Variants in PEX14 observed in about 807,000 individuals in gnomAD.
PEX14 encodes peroxisomal membrane protein PEX14.
PEX14 carries 15 observed loss-of-function variants against 49.5 expected under a neutral mutation model. The observed-to-expected ratio is 0.30, with a 90% CI of 0.20 to 0.47. The LOEUF is 0.47. Among genes scored for constraint, PEX14 ranks in the 20% least tolerant of loss-of-function variants. The probability of loss-of-function intolerance (pLI) is 1.00; values close to 1 mark genes in which losing one functional copy is unlikely to be tolerated. For synonymous variants in PEX14, 210 were observed against 212.7 expected, an observed-to-expected ratio of 0.99 and a Z score of 0.11; for missense variants, 398 against 494.8, an observed-to-expected ratio of 0.80 and a Z score of 1.86.
In PEX14 at chr1:10,623,084, C is replaced by T. The variant is rs765794942; in HGVS notation, c.450C>T (p.Ala150=). The change falls in exon 6 of 9, where the codon GCC becomes GCT. Residue 150 remains alanine (A), a synonymous_variant. Coordinates refer to ENST00000356607, the MANE Select transcript of PEX14 (RefSeq NM_004565.3). The surrounding 1 kb of genome is among the most constrained non-coding windows in gnomAD (Gnocchi z 4.4). Reference sequence around the variant, plus strand: ...GAAAGCAGCTGGAGAGGATGGAGGCCGGTCTCTCTGAGCTGAGTGGCAGCG... The same window carrying T: ...GAAAGCAGCTGGAGAGGATGGAGGCTGGTCTCTCTGAGCTGAGTGGCAGCG... ...EDRKQLERME[A]GLSELSGSVA... The T allele has an allele frequency of 1.5e-5, 25 of 1,613,718 alleles. No homozygotes were observed. The highest frequency in any genetic ancestry group is 2.2e-5 in the East Asian group (1 of 44,890).
chr1:10,491,980 G>A (rs1641482601), intron 1 of PEX14, among the ~76,000 whole-genome samples: 1 of 152,132 alleles, frequency 6.6e-6, no homozygotes, highest in Admixed American at 6.6e-5. Context: ...ACTGCACCCG[G>A]CCGGCCATGC....
chr1:10,591,635 C>CTG (rs61635531), intron 3 of PEX14, among the ~76,000 whole-genome samples: 53,369 of 139,396 alleles, frequency 0.38, 9,892 homozygotes, highest in Admixed American at 0.45. Flanking sequence ...GGTATACACA[C>CTG]TGTGTGTGTG....
At chr1:10,565,878 G>A (rs1639789494) in intron 3 of PEX14, among the ~76,000 whole-genome samples, 1 of 152,212 alleles carries the variant, frequency 6.6e-6, no homozygotes. Context: ...GGTAGCACAT[G>A]CCTGTAGTCC....
intron 3 of PEX14, among the ~76,000 whole-genome samples, chr1:10,588,133 T>C (rs1455566393): frequency 1.3e-5 from 2 of 151,734 alleles, no homozygotes; most frequent in Non-Finnish European, 2.9e-5. Flanking sequence ...AGGTAGAGAA[T>C]TGCTTGAACC....
intron 4 of PEX14, among the ~76,000 whole-genome samples, chr1:10,600,740 G>A (rs1360065369): frequency 6.6e-6 from 1 of 152,012 alleles, no homozygotes; most frequent in African/African-American, 2.4e-5. Context: ...ATAAAATAAA[G>A]AAACTCAATA....
At chr1:10,591,269 G>A (rs1640656305) in intron 3 of PEX14, among the ~76,000 whole-genome samples, 1 of 152,136 alleles carries the variant, frequency 6.6e-6, no homozygotes, top group Non-Finnish European at 1.5e-5. Flanking sequence ...AAGCCACCTT[G>A]TACTTGGCTG....
chr1:10,499,844 A>G (rs1309218841), intron 2 of PEX14, among the ~76,000 whole-genome samples: 1 of 152,282 alleles, frequency 6.6e-6, no homozygotes, highest in African/African-American at 2.4e-5. Flanking sequence ...TCTTCAAAAT[A>G]AAGATGCTCT....
chr1:10,560,066 T>TC (rs1419490984), intron 3 of PEX14, among the ~76,000 whole-genome samples: 2 of 151,648 alleles, frequency 1.3e-5, no homozygotes, highest in Non-Finnish European at 2.9e-5. Flanking sequence ...TCTATTTTTT[T>TC]TTTTTTTTGA....
chr1:10,520,348 A>G (rs761785112), intron 2 of PEX14, among the ~76,000 whole-genome samples: 3 of 151,784 alleles, frequency 2.0e-5, no homozygotes, highest in Non-Finnish European at 4.4e-5. Context: ...TTGAAGAGAC[A>G]GGATTTCACT....
intron 2 of PEX14, among the ~76,000 whole-genome samples, chr1:10,527,075 G>A (rs1021908811): frequency 2.6e-5 from 4 of 151,914 alleles, no homozygotes; most frequent in African/African-American, 4.8e-5. Context: ...TTAGCCAAGC[G>A]TGGTGGCATG....
In PEX14 at chr1:10,599,366, A is replaced by T; in HGVS notation, c.298A>T (p.Ser100Cys). 6.2e-7 allele frequency: 1 copy of T among 1,614,190 alleles called. No homozygotes were observed. The highest frequency in any genetic ancestry group is 1.6e-4 in the Middle Eastern group (1 of 6,062). The change falls in exon 4 of 9, where the codon AGT becomes TGT. Residue 100 changes from serine to cysteine, a missense_variant and splice_region_variant. Coordinates refer to ENST00000356607, the MANE Select transcript of PEX14 (RefSeq NM_004565.3). ...QPPHLISQPY[S>C]PAGSRWRDYG... ...CCCTCACCTCATATCTCAGCCATAC[A>T]GTAAGTCACCCGCTCAAACTCCTGC...
At chr1:10,573,058 G>A (rs775421234) in intron 3 of PEX14, among the ~76,000 whole-genome samples, 1 of 152,190 alleles carries the variant, frequency 6.6e-6, no homozygotes, top group African/African-American at 2.4e-5. Flanking sequence ...CAGAAAAAAG[G>A]TAATGAATTG....
At chr1:10,478,140 G>A (rs1557801577) in intron 1 of PEX14, among the ~76,000 whole-genome samples, 2 of 151,970 alleles carry the variant, frequency 1.3e-5, no homozygotes, top group African/African-American at 2.4e-5. Context: ...TGCCCACCTC[G>A]GCCTCCCAAA....
chr1:10,630,327 T>C lies in PEX14; in HGVS notation c.*340T>C, dbSNP rs2124651939. ...GACGCCTTGCCCAGGGTGTGTTTGC[T>C]GAGTGTCTTGACTACCGTGACACCA... is the stretch of plus-strand genomic sequence containing the variant. On this transcript the variant is annotated 3_prime_UTR_variant, in exon 9 of 9. Coordinates refer to ENST00000356607, the MANE Select transcript of PEX14 (RefSeq NM_004565.3). The surrounding 1 kb of genome is among the most constrained non-coding windows in gnomAD (Gnocchi z 4.1). The C allele has an allele frequency of 2.4e-6, 1 of 411,310 alleles. No individual in the cohort carries two copies. Among genetic ancestry groups the C allele is most frequent in the Non-Finnish European group, 4.5e-6 (1 of 223,676 alleles). 25.5% of individuals were successfully genotyped at this position (411,310 alleles called of 1,614,324 possible).
intron 3 of PEX14, among the ~76,000 whole-genome samples, chr1:10,557,458 C>G (rs972895895): frequency 6.6e-6 from 1 of 152,124 alleles, no homozygotes; most frequent in Non-Finnish European, 1.5e-5. Context: ...TGGTGGCGGG[C>G]GCCTGTAATC....
At chr1:10,571,207 A>C (rs1639968242) in intron 3 of PEX14, among the ~76,000 whole-genome samples, 1 of 151,896 alleles carries the variant, frequency 6.6e-6, no homozygotes, top group Non-Finnish European at 1.5e-5. Flanking sequence ...ACAACTTTAG[A>C]ATCTAATTTT....
chr1:10,550,789 G>A (rs542059271), intron 3 of PEX14, among the ~76,000 whole-genome samples: 7 of 152,330 alleles, frequency 4.6e-5, no homozygotes, highest in African/African-American at 1.7e-4. Context: ...TGTAGTCTGC[G>A]CCTGTGCTCT....
rs577453300 is a variant in PEX14 at position 10,475,235 on chromosome 1, C to T, written c.36+233C>T. On this transcript the variant is annotated intron_variant, in intron 1 of 8. Coordinates refer to ENST00000356607, the MANE Select transcript of PEX14 (RefSeq NM_004565.3). Reference sequence around the variant, plus strand: ...GGGCTCTGGTGTTTGGCTGTGCCCCCGGGTCCCCACTTCCCGCCTGCCAGC... The same window carrying T: ...GGGCTCTGGTGTTTGGCTGTGCCCCTGGGTCCCCACTTCCCGCCTGCCAGC... Among the ~76,000 whole-genome samples, 29 of 152,132 alleles carry T rather than the reference C, an allele frequency of 1.9e-4. No individual in the cohort carries two copies. The South Asian group carries it at 5.6e-3, about 29-fold the overall frequency.
intron 3 of PEX14, among the ~76,000 whole-genome samples, chr1:10,587,332 G>T (rs1218464404): frequency 1.3e-5 from 2 of 152,030 alleles, no homozygotes; most frequent in Non-Finnish European, 2.9e-5. Flanking sequence ...GCACACTCCT[G>T]TAATCCCAGC....
Sources: gnomAD v4.1 joint callset for allele counts (sites outside exome capture counted in the v4.1 genomes callset) on GRCh38, gnomAD v4.1.1 for gene constraint, Gnocchi (gnomAD v3.1) non-coding constraint, MANE v1.5 for transcripts, NCBI Gene and HGNC (gene_info 2026-07-23, HGNC 2026-07-21) for gene names.